KIF13B: variants seen among roughly 807,000 people sequenced by gnomAD.
KIF13B encodes kinesin-like protein KIF13B.
Under a neutral mutation model 222.0 loss-of-function variants are expected in KIF13B, and 127 were observed. The observed-to-expected ratio is 0.57, with a 90% confidence interval of 0.50 to 0.66. The LOEUF is 0.66. Among genes scored for constraint, KIF13B ranks in the 30% least tolerant of loss-of-function variants. The probability of loss-of-function intolerance (pLI) is 0.00; values close to 1 mark genes in which losing one functional copy is unlikely to be tolerated. For synonymous variants in KIF13B, 976 were observed against 919.0 expected, an observed-to-expected ratio of 1.06 and a Z score of -1.12; for missense variants, 2,173 against 2,379.0, an observed-to-expected ratio of 0.91 and a Z score of 1.80.
intron 3 of KIF13B, among the ~76,000 whole-genome samples, chr8:29,195,797 G>C (rs1229614405): frequency 6.6e-6 from 1 of 152,228 alleles, no homozygotes; most frequent in Non-Finnish European, 1.5e-5. Context: ...TACCAGTCTA[G>C]AGCCAATCTA....
chr8:29,236,406 G>A (rs1160046444), intron 2 of KIF13B, among the ~76,000 whole-genome samples: 1 of 152,178 alleles, frequency 6.6e-6, no homozygotes, highest in Non-Finnish European at 1.5e-5. Flanking sequence ...CAAGAGCATG[G>A]AGGTTCATTA....
At position 29,071,785 on chromosome 8, in the gene KIF13B, GT is replaced by G; in HGVS notation, c.5052del (p.Gln1685ArgfsTer33). ...EGNAPAPGAG[G>X]QALASDSEEA... ...TCCTCGGAATCAGAGGCCAGGGCCT[GT>G]CCCCCGGCGCCCGGGGCCGGCGCAT... On this transcript the variant is annotated frameshift_variant, in exon 39 of 40. Coordinates refer to ENST00000524189, the MANE Select transcript of KIF13B (RefSeq NM_015254.4). LOFTEE classifies it high-confidence loss of function. This position sits in a 1 kb window ranked among gnomAD's most constrained non-coding sequence, Gnocchi z 4.9. The G allele has an allele frequency of 6.5e-7, 1 of 1,547,900 alleles. No individual in the cohort carries two copies. The highest frequency in any genetic ancestry group is 8.7e-7 in the Non-Finnish European group (1 of 1,146,430).
intron 5 of KIF13B, 77 bp downstream of exon 5, chr8:29,188,438 T>C (rs1208730322): frequency 1.1e-6 from 1 of 878,708 alleles, no homozygotes; most frequent in Non-Finnish European, 1.8e-6. Flanking sequence ...ATCAGCAATG[T>C]TACTCAGTAA....
intron 37 of KIF13B, among the ~76,000 whole-genome samples, chr8:29,080,005 C>T (rs1807730292): frequency 1.3e-5 from 2 of 152,180 alleles, no homozygotes; most frequent in South Asian, 4.1e-4. Context: ...GAAACACCTG[C>T]TAACCTCCAA....
At chr8:29,245,204 T>A (rs1391085760) in intron 2 of KIF13B, 142 bp downstream of exon 2, 2 of 665,760 alleles carry the variant, frequency 3.0e-6, no homozygotes, top group Non-Finnish European at 5.3e-6. Context: ...TCTCTTCAAC[T>A]TGAGTACAGG....
At chr8:29,077,174 C>G (rs1204595473) in intron 37 of KIF13B, among the ~76,000 whole-genome samples, 1 of 152,156 alleles carries the variant, frequency 6.6e-6, no homozygotes, top group African/African-American at 2.4e-5. Flanking sequence ...GGCCATTGCA[C>G]ATGACAAGGC....
intron 1 of KIF13B, among the ~76,000 whole-genome samples, chr8:29,247,420 A>C (rs28756477): frequency 0.1 from 15,174 of 152,198 alleles, 1,037 homozygotes; most frequent in African/African-American, 0.19. Context: ...AATTTGTGTG[A>C]TTCAAAAAGC....
In KIF13B at chr8:29,231,588, G is replaced by A. The variant is rs139129546; in HGVS notation, c.149+13758C>T. On this transcript the variant is annotated intron_variant, in intron 2 of 39. Transcript: ENST00000524189. ...GGAAGCTTCCGTGCTCCTTACATGT[G>A]ACTAAAACACCAAGTCAGCCAATCT... Among the ~76,000 whole-genome samples, 869 of 152,234 alleles carry A rather than the reference G, an allele frequency of 5.7e-3. 1 individual carries two copies. The highest frequency in any genetic ancestry group is 6.8e-3 in the Middle Eastern group (2 of 294).
At chr8:29,101,094 G>A (rs1808765609) in intron 35 of KIF13B, among the ~76,000 whole-genome samples, 1 of 152,154 alleles carries the variant, frequency 6.6e-6, no homozygotes, top group Non-Finnish European at 1.5e-5. Context: ...TTCAGCGGAG[G>A]AGCGCTGGCA....
chr8:29,142,360 C>G (rs546210071), intron 18 of KIF13B, 57 bp from the exon 19 acceptor site: 2 of 1,469,952 alleles, frequency 1.4e-6, no homozygotes, highest in Non-Finnish European at 1.9e-6. Flanking sequence ...GAAGTCAAAG[C>G]TGACAATTCC....
intron 2 of KIF13B, among the ~76,000 whole-genome samples, chr8:29,222,752 C>G (rs2130537404): frequency 6.6e-6 from 1 of 152,114 alleles, no homozygotes; most frequent in Middle Eastern, 3.4e-3. Context: ...TTCGCCATAA[C>G]TTTTCAAGTT....
chr8:29,216,710 G>A (rs1814497263), intron 2 of KIF13B, among the ~76,000 whole-genome samples: 1 of 152,268 alleles, frequency 6.6e-6, no homozygotes, highest in South Asian at 2.1e-4. Flanking sequence ...AGACAACTTT[G>A]TAGCAGAAAA....
At position 29,126,502 on chromosome 8, in the gene KIF13B, C is replaced by T; in HGVS notation, c.3232G>A (p.Glu1078Lys). The T allele has an allele frequency of 6.5e-7, 1 of 1,533,896 alleles. No individual in the cohort carries two copies. The highest frequency in any genetic ancestry group is 1.4e-5 in the African/African-American group (1 of 73,872). Residue 1078 changes from glutamate (E) to lysine (K), a missense_variant, in exon 26 of 40, where the codon GAA becomes AAA. Glu to Lys is a moderately conservative substitution (Grantham distance 56, BLOSUM62 1). This residue lies in a region of KIF13B where 1,480 missense variants were observed against 1,722.8 expected (regional missense o/e 0.86). Transcript: ENST00000524189. ...RTHETFHEEEEDMDSYQDRDL... is the reference protein window; with the variant it reads ...RTHETFHEEEKDMDSYQDRDL... ...ATTACCTGGTAGCTGTCCATGTCTT[C>T]CTCTTCCTCCTAAAAGAAAATATAC...
chr8:29,202,442 C>T (rs955132376), intron 2 of KIF13B, among the ~76,000 whole-genome samples: 1 of 152,100 alleles, frequency 6.6e-6, no homozygotes. Flanking sequence ...CTCAGCCTCC[C>T]AAGTAGCTGG....
intron 35 of KIF13B, among the ~76,000 whole-genome samples, chr8:29,101,466 G>A (rs1404315432): frequency 2.6e-5 from 4 of 152,288 alleles, no homozygotes; most frequent in African/African-American, 4.8e-5. Flanking sequence ...TTGGGCCAAC[G>A]ACAAATTATG....
chr8:29,197,510 C>A (rs1813494508), intron 2 of KIF13B, among the ~76,000 whole-genome samples: 1 of 150,850 alleles, frequency 6.6e-6, no homozygotes, highest in South Asian at 2.1e-4. Context: ...CTTCCCTTTC[C>A]CCCAAGGATT....
At position 29,071,539 on chromosome 8, in the gene KIF13B, C is replaced by G. The variant is rs1017896546; in HGVS notation, c.5218+81G>C. The G allele has an allele frequency of 6.1e-6, 8 of 1,305,690 alleles. No homozygotes were observed. The African/African-American group carries it at 1.2e-4, about 19-fold the overall frequency. The allele number at this position is 1,305,690 out of a possible 1,614,324, so 80.9% of individuals were successfully genotyped here. On this transcript the variant is annotated intron_variant, in intron 39 of 39. Coordinates refer to ENST00000524189, the MANE Select transcript of KIF13B (RefSeq NM_015254.4). The surrounding 1 kb of genome is among the most constrained non-coding windows in gnomAD (Gnocchi z 4.9). ...GGCCCCTCCCTCTCCTGCCCGGACC[C>G]TGTCCCCTCCCAGGCCGGCCACGTT...
At chr8:29,189,878 A>T (rs547482262) in intron 4 of KIF13B, 1 of 152,270 alleles carries the variant, frequency 6.6e-6, no homozygotes, top group South Asian at 2.1e-4. Flanking sequence ...AATTTCATCA[A>T]CGTATACCAA....
chr8:29,124,832 G>A (rs954288111), intron 26 of KIF13B, among the ~76,000 whole-genome samples: 5 of 150,382 alleles, frequency 3.3e-5, no homozygotes, highest in Admixed American at 6.6e-5. Context: ...GCAATGAGCC[G>A]AGACTGTGCC....
Sources: gnomAD v4.1 joint callset for allele counts (sites outside exome capture counted in the v4.1 genomes callset) on GRCh38, gnomAD v4.1.1 for gene constraint, gnomAD v4.1.1 regional missense constraint, Gnocchi (gnomAD v3.1) non-coding constraint, MANE v1.5 for transcripts, NCBI Gene and HGNC (gene_info 2026-07-23, HGNC 2026-07-21) for gene names.